Variants in RASA3 observed in about 807,000 individuals in gnomAD.
RASA3 encodes RAS p21 protein activator 3.
A neutral mutation model predicts 110.0 loss-of-function variants in RASA3; 73 were observed. That is an observed-to-expected ratio of 0.66 (90% CI 0.55 to 0.81). RASA3 has a LOEUF of 0.81. Ranked by LOEUF, RASA3 falls within the 30% of genes least tolerant of loss-of-function variation. RASA3 has a pLI of 0.00. For missense variants in RASA3, 976 were observed against 1,113.2 expected, an observed-to-expected ratio of 0.88 and a Z score of 1.75; for synonymous variants, 500 against 451.4, an observed-to-expected ratio of 1.11 and a Z score of -1.37.
chr13:114,027,336 A>G (rs771028776), intron 7 of RASA3, 53 bp downstream of exon 7: 237 of 1,389,740 alleles, frequency 1.7e-4, no homozygotes, highest in Non-Finnish European at 2.3e-4. Context: ...CTTTCTGCCA[A>G]CGTGTCTCGG....
intron 13 of RASA3, among the ~76,000 whole-genome samples, chr13:114,015,815 C>A (rs1242686802): frequency 6.6e-6 from 1 of 152,082 alleles, no homozygotes; most frequent in Non-Finnish European, 1.5e-5. Flanking sequence ...GGGGCAGGAG[C>A]CATTGCCCAA....
At position 114,112,374 on chromosome 13, in the gene RASA3, G is replaced by A. The variant is rs61971987; in HGVS notation, c.55+20061C>T. ...CCACGAGAAAGTCAGGGCCCTCCCC[G>A]AAGGAGCAGAAGCTCTGCGGGTGAC... On this transcript the variant is annotated intron_variant, in intron 1 of 23. Transcript: ENST00000334062. The surrounding 1 kb of genome is among the most constrained non-coding windows in gnomAD (Gnocchi z 4.8). Among the ~76,000 whole-genome samples, 252 of 152,296 alleles carry A rather than the reference G, an allele frequency of 1.7e-3. No individual in the cohort carries two copies. The highest frequency in any genetic ancestry group is 3.4e-3 in the Middle Eastern group (1 of 294).
At chr13:114,005,245 C>T (rs7991776) in intron 18 of RASA3, among the ~76,000 whole-genome samples, 3,000 of 152,252 alleles carry the variant, frequency 0.02, 100 homozygotes, top group African/African-American at 0.068. Context: ...GACATGTTGG[C>T]AAACACATAA....
chr13:114,050,721 C>A (rs539486741), intron 3 of RASA3, among the ~76,000 whole-genome samples: 2 of 152,358 alleles, frequency 1.3e-5, no homozygotes, highest in South Asian at 4.1e-4. Context: ...ACAGCCTACG[C>A]GTTACCTACT....
rs1039087788 is a variant in RASA3 at position 114,048,649 on chromosome 13, G to T, written c.277+3403C>A. On this transcript the variant is annotated intron_variant, in intron 3 of 23. Transcript: ENST00000334062. This position sits in a 1 kb window ranked among gnomAD's most constrained non-coding sequence, Gnocchi z 4.3. ...GTCCAGGCAGAGGCCGCCTCCCTGC[G>T]CCTGGAATCCCGAAGGAGCCTGCGC... Among the ~76,000 whole-genome samples the T allele has an allele frequency of 2.0e-5, 3 of 152,210 alleles. No individual in the cohort carries two copies. The highest frequency in any genetic ancestry group is 6.5e-5 in the Admixed American group (1 of 15,286).
In RASA3 at chr13:114,089,322, GA is replaced by G. The variant is rs1485526781; in HGVS notation, c.56-15486del. On this transcript the variant is annotated intron_variant, in intron 1 of 23. Coordinates refer to ENST00000334062, the MANE Select transcript of RASA3 (RefSeq NM_007368.4). ...GGAGGGGGGGAGGAGGGGGGAGGGG[GA>G]AGGGGAAAGCTGCAGAGAATGAAGG... 7.3e-5 allele frequency among the ~76,000 whole-genome samples: 10 copies of G among 137,080 alleles called. No homozygotes were observed. In the East Asian group the frequency reaches 2.0e-3, roughly 28 times the overall value. 89.9% of individuals were successfully genotyped at this position (137,080 alleles called of 152,430 possible).
chr13:114,099,000 CG>C lies in RASA3; in HGVS notation c.56-25164del, dbSNP rs2079985102. ...CCACAGCAGTCGGGGCCCGGCCACC[CG>C]AGCCCCCCAGACCACAGCAGTCGGG... On this transcript the variant is annotated intron_variant, in intron 1 of 23. Coordinates refer to ENST00000334062, the MANE Select transcript of RASA3 (RefSeq NM_007368.4). Among the ~76,000 whole-genome samples, 2 of 112,832 alleles carry C rather than the reference CG, an allele frequency of 1.8e-5. 1 individual carries two copies. The highest frequency in any genetic ancestry group is 6.9e-5 in the African/African-American group (2 of 28,924). The allele number at this position is 112,832 out of a possible 152,430, so 74.0% of individuals were successfully genotyped here.
intron 1 of RASA3, among the ~76,000 whole-genome samples, chr13:114,103,575 G>A (rs55885702): frequency 0.02 from 428 of 21,716 alleles, 41 homozygotes; most frequent in Middle Eastern, 0.062. Context: ...ATGCGTCCAT[G>A]CTGCCACAGC....
chr13:114,067,665 T>C (rs1016146980), intron 2 of RASA3, among the ~76,000 whole-genome samples: 1 of 152,230 alleles, frequency 6.6e-6, no homozygotes, highest in Non-Finnish European at 1.5e-5. Flanking sequence ...ATTTACATCT[T>C]GCAGTATGAA....
intron 2 of RASA3, among the ~76,000 whole-genome samples, chr13:114,054,785 G>A (rs1177447780): frequency 6.6e-6 from 1 of 152,244 alleles, no homozygotes; most frequent in Non-Finnish European, 1.5e-5. Flanking sequence ...CATTGTAGCA[G>A]CATCCTGGTT....
intron 2 of RASA3, among the ~76,000 whole-genome samples, chr13:114,058,548 G>A (rs1355028247): frequency 1.3e-5 from 2 of 152,232 alleles, no homozygotes; most frequent in East Asian, 1.9e-4. Context: ...TCCACTTGAG[G>A]GTCCAGACCT....
chr13:113,979,715 T>G (rs530570603), intron 23 of RASA3, among the ~76,000 whole-genome samples: 1 of 152,302 alleles, frequency 6.6e-6, no homozygotes, highest in South Asian at 2.1e-4. Context: ...ATGGCACGTG[T>G]GCAGAATGTG....
intron 11 of RASA3, among the ~76,000 whole-genome samples, chr13:114,017,761 G>A (rs558249127): frequency 1.2e-4 from 19 of 152,278 alleles, no homozygotes; most frequent in South Asian, 4.1e-4. Context: ...AGAACAGGGC[G>A]TCCGGAAACA....
intron 22 of RASA3, among the ~76,000 whole-genome samples, chr13:113,991,855 CA>C (rs1213233715): frequency 6.6e-6 from 1 of 151,562 alleles, no homozygotes; most frequent in African/African-American, 2.4e-5. Flanking sequence ...CACACATGCA[CA>C]AATTCATGCA....
intron 1 of RASA3, among the ~76,000 whole-genome samples, chr13:114,100,978 CAT>C (rs1372641189): frequency 2.6e-5 from 4 of 152,230 alleles, no homozygotes; most frequent in Non-Finnish European, 5.9e-5. Flanking sequence ...CGGCTGACCA[CAT>C]GTGACTGAAA....
intron 1 of RASA3, among the ~76,000 whole-genome samples, chr13:114,091,406 G>A (rs2079888369): frequency 6.6e-6 from 1 of 151,794 alleles, no homozygotes; most frequent in Admixed American, 6.6e-5. Flanking sequence ...TACCCAATCT[G>A]TTGAGTTTTT....
chr13:113,991,943 TCACA>T lies in RASA3; in HGVS notation c.2245+538_2245+541del, dbSNP rs750318461. Among the ~76,000 whole-genome samples, 210 of 151,654 alleles carry T rather than the reference TCACA, an allele frequency of 1.4e-3. 2 individuals are homozygous for T. Among genetic ancestry groups the T allele is most frequent in the Admixed American group, 3.9e-3 (59 of 15,254 alleles). ...TCTCATACATGTCATGTCCATACAT[TCACA>T]CACACTCACACACGTCCATTCATGC... On this transcript the variant is annotated intron_variant, in intron 22 of 23. Transcript: ENST00000334062.
intron 20 of RASA3, 54 bp from the exon 21 acceptor site, chr13:113,996,793 C>G: frequency 6.7e-7 from 1 of 1,499,160 alleles, no homozygotes. Context: ...TGGCTGAGCA[C>G]GTGCAAGAGT....
At chr13:114,124,791 TTC>T (rs2080423636) in intron 1 of RASA3, among the ~76,000 whole-genome samples, 1 of 152,256 alleles carries the variant, frequency 6.6e-6, no homozygotes, top group African/African-American at 2.4e-5. Context: ...GCAAGTTATT[TTC>T]TTTCTCGGCC....
Sources: gnomAD v4.1 joint callset for allele counts (sites outside exome capture counted in the v4.1 genomes callset) on GRCh38, gnomAD v4.1.1 for gene constraint, Gnocchi (gnomAD v3.1) non-coding constraint, MANE v1.5 for transcripts, NCBI Gene and HGNC (gene_info 2026-07-23, HGNC 2026-07-21) for gene names.